The following RAB2A variants were observed in gnomAD, a reference collection of about 807,000 sequenced individuals.
RAB2A encodes RAB2A, member RAS oncogene family, also known as ras-related protein Rab-2A.
RAB2A carries 7 observed loss-of-function variants against 32.5 expected under a neutral mutation model. That is an observed-to-expected ratio of 0.22 (90% confidence interval 0.12 to 0.40). RAB2A has a LOEUF of 0.40. Ranked by LOEUF, RAB2A falls within the 10% of genes least tolerant of loss-of-function variation. RAB2A has a pLI of 1.00. For synonymous variants in RAB2A, 79 were observed against 85.2 expected (o/e 0.93, Z 0.40); for missense variants, 108 against 260.7 (o/e 0.41, Z 4.03).
Position 60,596,377 on chromosome 8 carries a change from G to A in RAB2A, c.474+4408G>A, listed in dbSNP as rs373524234. Reference sequence around the variant, plus strand: ...TGAACAGGCAACCTACAGAATGGGAGAAAAATTTTGCAATCTATCCATCTG... The same window carrying A: ...TGAACAGGCAACCTACAGAATGGGAAAAAAATTTTGCAATCTATCCATCTG... On this transcript the variant is annotated intron_variant, in intron 6 of 7. Coordinates refer to ENST00000262646, the MANE Select transcript of RAB2A (RefSeq NM_002865.3). Among the ~76,000 whole-genome samples, 5 of 152,172 alleles carry A rather than the reference G, an allele frequency of 3.3e-5. No individual in the cohort carries two copies. In the East Asian group the frequency reaches 5.8e-4, roughly 18 times the overall value.
chr8:60,596,879 C>G (rs1297245277), intron 6 of RAB2A, among the ~76,000 whole-genome samples: 1 of 152,042 alleles, frequency 6.6e-6, no homozygotes, highest in Non-Finnish European at 1.5e-5. Context: ...CAAGATCACA[C>G]CATTGCACTC....
chr8:60,536,448 A>G (rs1213109848), intron 1 of RAB2A, among the ~76,000 whole-genome samples: 2 of 152,226 alleles, frequency 1.3e-5, no homozygotes, highest in African/African-American at 4.8e-5. Flanking sequence ...AGTTTGATAT[A>G]TACTATCATG....
chr8:60,604,726 C>T (rs1195724271), intron 6 of RAB2A, among the ~76,000 whole-genome samples: 3 of 152,108 alleles, frequency 2.0e-5, no homozygotes, highest in South Asian at 2.1e-4. Flanking sequence ...ATTATCTAAG[C>T]GACAAAGCAT....
At chr8:60,605,696 G>A (rs1435248360) in intron 6 of RAB2A, among the ~76,000 whole-genome samples, 1 of 152,032 alleles carries the variant, frequency 6.6e-6, no homozygotes, top group East Asian at 1.9e-4. Flanking sequence ...GAACTTGTAT[G>A]GCACCTATAG....
At chr8:60,526,017 GTACATA>G (rs1176915986) in intron 1 of RAB2A, among the ~76,000 whole-genome samples, 18 of 74,220 alleles carry the variant, frequency 2.4e-4, no homozygotes, top group Non-Finnish European at 4.7e-4. Flanking sequence ...ATGTGTGTGT[GTACATA>G]TATATATATA....
chr8:60,526,032 T>TAC, intron 1 of RAB2A, among the ~76,000 whole-genome samples: 1 of 109,370 alleles, frequency 9.1e-6, no homozygotes, highest in Admixed American at 8.9e-5. Context: ...TATATATATA[T>TAC]ATATATATAT....
chr8:60,521,545 C>T (rs919347269), intron 1 of RAB2A, among the ~76,000 whole-genome samples: 3 of 152,180 alleles, frequency 2.0e-5, no homozygotes, highest in South Asian at 4.1e-4. Context: ...TCCTGATTGG[C>T]GTAGGGGCTT....
Position 60,587,171 on chromosome 8 carries a change from G to A in RAB2A, c.362+2356G>A, listed in dbSNP as rs76601506. Reference sequence around the variant, plus strand: ...CTATTGTTTGGCATAAGCAGACATAGATCAGTAGAGCCGAATAAGAAGTTC... The same window carrying A: ...CTATTGTTTGGCATAAGCAGACATAAATCAGTAGAGCCGAATAAGAAGTTC... On this transcript the variant is annotated intron_variant, in intron 5 of 7. Coordinates refer to ENST00000262646, the MANE Select transcript of RAB2A (RefSeq NM_002865.3). 1.0e-2 allele frequency among the ~76,000 whole-genome samples: 1,515 copies of A among 152,202 alleles called. 13 individuals carry two copies. The highest frequency in any genetic ancestry group is 0.017 in the Non-Finnish European group (1,178 of 68,002).
chr8:60,581,730 G>T (rs898744195), intron 3 of RAB2A, among the ~76,000 whole-genome samples: 3 of 151,982 alleles, frequency 2.0e-5, no homozygotes, highest in Non-Finnish European at 4.4e-5. Flanking sequence ...ATTTGGCTGG[G>T]AACAGTGGCC....
chr8:60,540,176 G>A (rs1174412394), intron 1 of RAB2A, among the ~76,000 whole-genome samples: 1 of 150,182 alleles, frequency 6.7e-6, no homozygotes, highest in Admixed American at 6.7e-5. Context: ...CTTTTCTTCT[G>A]TCTCATCCAT....
chr8:60,568,368 GTC>G (rs34038069), intron 2 of RAB2A, among the ~76,000 whole-genome samples: 58,796 of 151,968 alleles, frequency 0.39, 11,458 homozygotes, highest in East Asian at 0.55. Context: ...TTCTCACAGG[GTC>G]TCTCATCATT....
At chr8:60,545,755 T>G (rs1337044102) in intron 1 of RAB2A, among the ~76,000 whole-genome samples, 2 of 152,216 alleles carry the variant, frequency 1.3e-5, no homozygotes, top group Non-Finnish European at 2.9e-5. Flanking sequence ...AGTGTAGTGA[T>G]TTGTATTAAT....
intron 6 of RAB2A, among the ~76,000 whole-genome samples, chr8:60,614,771 G>A (rs941444704): frequency 6.6e-6 from 1 of 152,158 alleles, no homozygotes; most frequent in Non-Finnish European, 1.5e-5. Flanking sequence ...AAAGATTAGT[G>A]TTTGAGGTGG....
At chr8:60,617,545 T>A (rs959091063) in intron 6 of RAB2A, among the ~76,000 whole-genome samples, 1 of 152,172 alleles carries the variant, frequency 6.6e-6, no homozygotes, top group African/African-American at 2.4e-5. Flanking sequence ...TGTTTTCTTT[T>A]GAGATATAAT....
intron 1 of RAB2A, among the ~76,000 whole-genome samples, chr8:60,519,890 G>A (rs1215766784): frequency 1.3e-5 from 2 of 151,984 alleles, no homozygotes; most frequent in Non-Finnish European, 2.9e-5. Flanking sequence ...ACTAATTTGG[G>A]CAAAATCCTT....
intron 1 of RAB2A, chr8:60,552,097 G>A (rs555084861): frequency 1.1e-5 from 1 of 87,260 alleles, no homozygotes; most frequent in East Asian, 3.4e-4. Flanking sequence ...TCCGCCTACT[G>A]GGTTCAAGCG....
At chr8:60,582,966 C>G (rs1474860446) in intron 3 of RAB2A, among the ~76,000 whole-genome samples, 2 of 151,824 alleles carry the variant, frequency 1.3e-5, no homozygotes, top group African/African-American at 4.8e-5. Flanking sequence ...CACTTTTTCA[C>G]TCAACAGGCT....
intron 6 of RAB2A, among the ~76,000 whole-genome samples, chr8:60,605,708 C>T (rs560710966): frequency 1.2e-4 from 18 of 152,050 alleles, no homozygotes; most frequent in South Asian, 8.3e-4. Context: ...CACCTATAGC[C>T]CCTTTCTTTT....
At chr8:60,563,379 A>G (rs1165422352) in intron 2 of RAB2A, among the ~76,000 whole-genome samples, 1 of 152,224 alleles carries the variant, frequency 6.6e-6, no homozygotes, top group Non-Finnish European at 1.5e-5. Context: ...CAGCAGCATC[A>G]GTATCACGTG....
Sources: gnomAD v4.1 joint callset for allele counts (sites outside exome capture counted in the v4.1 genomes callset) on GRCh38, gnomAD v4.1.1 for gene constraint, MANE v1.5 for transcripts, NCBI Gene and HGNC (gene_info 2026-07-23, HGNC 2026-07-21) for gene names.